Variants in MICAL1 observed in about 807,000 individuals in gnomAD.
MICAL1 encodes the protein [F-actin]-monooxygenase MICAL1.
Under a neutral mutation model 131.8 loss-of-function variants are expected in MICAL1, and 95 were observed. The ratio of observed to expected loss-of-function variants is 0.72; its 90% CI spans 0.61 to 0.86. MICAL1 has a LOEUF of 0.86. Ranked by LOEUF, MICAL1 falls within the 40% of genes least tolerant of loss-of-function variation. The probability of loss-of-function intolerance (pLI) is 0.00; values close to 1 mark genes in which losing one functional copy is unlikely to be tolerated. For synonymous variants in MICAL1, 546 were observed against 554.2 expected, an observed-to-expected ratio of 0.99 and a Z score of 0.21; for missense variants, 1,292 against 1,380.6, an observed-to-expected ratio of 0.94 and a Z score of 1.02.
At chr6:109,448,150 CACACACA>C in intron 13 of MICAL1, 46 bp downstream of exon 13, 1 of 1,583,262 alleles carries the variant, frequency 6.3e-7, no homozygotes, top group Non-Finnish European at 8.6e-7. Flanking sequence ...CACACACACA[CACACACA>C]CACCTCCCCA....
intron 7 of MICAL1, among the ~76,000 whole-genome samples, chr6:109,450,827 AAG>A (rs1775509180): frequency 6.6e-6 from 1 of 152,134 alleles, no homozygotes; most frequent in Non-Finnish European, 1.5e-5. Flanking sequence ...CCACAAACTC[AAG>A]AGCTTTAGTT....
In MICAL1 at chr6:109,445,524, CAGGGCCTAT is replaced by C. The variant is rs754825367; in HGVS notation, c.2674-4_2678del. 6.2e-6 allele frequency: 10 copies of C among 1,613,984 alleles called. No homozygotes were observed. On this transcript the variant is annotated splice_acceptor_variant and splice_polypyrimidine_tract_variant and coding_sequence_variant and intron_variant, in exon 21 of 25. Coordinates refer to ENST00000358807, the MANE Select transcript of MICAL1 (RefSeq NM_022765.4). LOFTEE classifies it high-confidence loss of function. ...TGCCTGAGGTCTTGGCAAAGGTCTG[CAGGGCCTAT>C]AGGAGGGTCAGGCCAGTCAGGGATA...
intron 1 of MICAL1, chr6:109,454,993 G>C (rs1336564666): frequency 6.6e-6 from 1 of 152,254 alleles, no homozygotes; most frequent in Non-Finnish European, 1.5e-5. Context: ...GCTGGGGGTC[G>C]ACCGCAGCCG....
chr6:109,450,027 G>A lies in MICAL1; in HGVS notation c.1250C>T (p.Ala417Val), dbSNP rs895646073. The change falls in exon 9 of 25, where the codon GCC becomes GTC. Residue 417 changes from alanine (A) to valine (V), a missense_variant. Coordinates refer to ENST00000358807, the MANE Select transcript of MICAL1 (RefSeq NM_022765.4). Reference protein sequence around the residue: ...ARGFLAAFDAAWMVKRWAEGA... With the variant: ...ARGFLAAFDAVWMVKRWAEGA... ...CTCTGCCCACCGCTTCACCATCCAGGCTGCATCAAAGGCTGCCAGGAAGCC... is the reference window on the plus strand; with the variant it reads ...CTCTGCCCACCGCTTCACCATCCAGACTGCATCAAAGGCTGCCAGGAAGCC... 1.2e-6 allele frequency: 2 copies of A among 1,614,096 alleles called. No homozygotes were observed. Among genetic ancestry groups the A allele is most frequent in the Admixed American group, 3.3e-5 (2 of 60,016 alleles).
At chr6:109,449,907 C>T in intron 9 of MICAL1, 63 bp downstream of exon 9, 1 of 1,597,472 alleles carries the variant, frequency 6.3e-7, no homozygotes, top group Non-Finnish European at 8.6e-7. Context: ...GCACCCCTGC[C>T]CCTCTTCCTG....
upstream of MICAL1, among the ~76,000 whole-genome samples, chr6:109,459,166 A>C (rs1025369860): frequency 6.6e-6 from 1 of 152,210 alleles, no homozygotes; most frequent in Non-Finnish European, 1.5e-5. Flanking sequence ...AGGCCAATGG[A>C]AACTCTGTAG....
chr6:109,449,523 C>T, intron 10 of MICAL1, 42 bp from the exon 11 acceptor site: 1 of 1,612,800 alleles, frequency 6.2e-7, no homozygotes, highest in Non-Finnish European at 8.5e-7. Context: ...GCTGGCCACA[C>T]AGCCCCTGAG....
chr6:109,452,407 G>A lies in MICAL1; in HGVS notation c.677-6C>T, dbSNP rs1481725757. The A allele has an allele frequency of 6.2e-7, 1 of 1,613,598 alleles. No homozygotes were observed. The highest frequency in any genetic ancestry group is 8.5e-7 in the Non-Finnish European group (1 of 1,179,584). On this transcript the variant is annotated splice_region_variant and splice_polypyrimidine_tract_variant and intron_variant, in intron 5 of 24. Coordinates refer to ENST00000358807, the MANE Select transcript of MICAL1 (RefSeq NM_022765.4). ...CATTTCTCGAACTTTGAAGCCTAGA[G>A]GTGGCGGTAGGTGAACAATGGCAGG... is the stretch of plus-strand genomic sequence containing the variant.
At chr6:109,452,144 AGT>A in intron 6 of MICAL1, 100 bp downstream of exon 6, 2 of 1,496,318 alleles carry the variant, frequency 1.3e-6, no homozygotes, top group South Asian at 2.7e-5. Flanking sequence ...AAAACAGAAA[AGT>A]GTGGAGTTCC....
At chr6:109,457,360 C>T (rs560678982), upstream of MICAL1, among the ~76,000 whole-genome samples, 1 of 151,992 alleles carries the variant, frequency 6.6e-6, no homozygotes, top group East Asian at 2.0e-4. Flanking sequence ...TAAAAACGTT[C>T]TAAAGTCCAC....
Position 109,446,398 on chromosome 6 carries a change from T to C in MICAL1, c.2319A>G (p.Pro773=). ...RGPESPELPT[P]SENSMPPGLS... Reference sequence around the variant, plus strand: ...GGCCTGGTGGCATGCTATTCTCACTTGGTGTGGGGAGCTCCTGGAAAAGCC... The same window carrying C: ...GGCCTGGTGGCATGCTATTCTCACTCGGTGTGGGGAGCTCCTGGAAAAGCC... The change falls in exon 19 of 25, where the codon CCA becomes CCG. Residue 773 remains proline, a synonymous_variant. Transcript: ENST00000358807. 3 of 1,338,024 alleles carry C rather than the reference T, an allele frequency of 2.2e-6. No individual in the cohort carries two copies. The highest frequency in any genetic ancestry group is 3.0e-6 in the Non-Finnish European group (3 of 1,007,742). 82.9% of individuals were successfully genotyped at this position (1,338,024 alleles called of 1,614,324 possible).
At position 109,453,673 on chromosome 6, in the gene MICAL1, T is replaced by A. The variant is rs374180244; in HGVS notation, c.431A>T (p.Tyr144Phe). 6.2e-7 allele frequency: 1 copy of A among 1,613,366 alleles called. No individual in the cohort carries two copies. Among genetic ancestry groups the A allele is most frequent in the Non-Finnish European group, 8.5e-7 (1 of 1,179,728 alleles). The change falls in exon 3 of 25, where the codon TAC (tyrosine) becomes TTC (phenylalanine). Residue 144 changes from tyrosine to phenylalanine, a missense_variant. Transcript: ENST00000358807. The part of the protein sequence containing the change: ...DLRALGAKKF[Y>F]GRFCTGTLDH... ...CAGGGTGCCGGTGCAGAAGCGCCCG[T>A]AGAACTTCTTAGCACCGAGTGCCCG...
In MICAL1 at chr6:109,447,320, C is replaced by T. The variant is rs13204281; in HGVS notation, c.2070+37G>A. The T allele has an allele frequency of 2.3e-3, 3,783 of 1,613,896 alleles. 8 individuals are homozygous for T. Among genetic ancestry groups the T allele is most frequent in the Non-Finnish European group, 3.0e-3 (3,487 of 1,179,820 alleles). On this transcript the variant is annotated intron_variant, in intron 16 of 24. Transcript: ENST00000358807. Reference sequence around the variant, plus strand: ...CATGAAACGCCCCTGCCCTGCCCTCCCCGGGCCTCTGCCTGCACACAAAGC... The same window carrying T: ...CATGAAACGCCCCTGCCCTGCCCTCTCCGGGCCTCTGCCTGCACACAAAGC...
At chr6:109,463,833 GCTT>G (rs1775967156) in intron 1 of MICAL1, 1 of 152,248 alleles carries the variant, frequency 6.6e-6, no homozygotes, top group Non-Finnish European at 1.5e-5. Flanking sequence ...ATTTTCACCT[GCTT>G]CTTTTTATGT....
rs1296230196 is a variant in MICAL1, at chr6:109,454,219, C to T, written c.-23G>A. 6.3e-7 allele frequency: 1 copy of T among 1,577,764 alleles called. No individual in the cohort carries two copies. Among genetic ancestry groups the T allele is most frequent in the South Asian group, 1.1e-5 (1 of 87,970 alleles). ...CATGGAGGCCTCCTGGGGAGGGCAG[C>T]AGCTGGGCAGAGATGAGTGGCTGGA... On this transcript the variant is annotated 5_prime_UTR_variant, in exon 2 of 25. Coordinates refer to ENST00000358807, the MANE Select transcript of MICAL1 (RefSeq NM_022765.4).
chr6:109,448,684 C>T (rs1196641007), intron 12 of MICAL1, 48 bp downstream of exon 12: 1 of 1,609,352 alleles, frequency 6.2e-7, no homozygotes, highest in Admixed American at 1.7e-5. Context: ...GATATGCTAA[C>T]TCCTACACTG....
intron 1 of MICAL1, 105 bp from the exon 2 acceptor site, chr6:109,454,344 A>G: frequency 8.9e-7 from 1 of 1,128,112 alleles, no homozygotes; most frequent in Non-Finnish European, 1.2e-6. Context: ...CTCGGGATTC[A>G]CCAGTGATTG....
Position 109,451,616 on chromosome 6 carries a change from A to C in MICAL1, c.917T>G (p.Leu306Arg), listed in dbSNP as rs1562291976. 1 of 1,613,970 alleles carries C rather than the reference A, an allele frequency of 6.2e-7. No homozygotes were observed. Among genetic ancestry groups the C allele is most frequent in the Non-Finnish European group, 8.5e-7 (1 of 1,179,958 alleles). Residue 306 changes from leucine to arginine, a missense_variant, in exon 7 of 25, where the codon CTG becomes CGG. Leu to Arg is a moderately radical substitution (Grantham distance 102). Coordinates refer to ENST00000358807, the MANE Select transcript of MICAL1 (RefSeq NM_022765.4). ...GGGCCTCACCTGGCGCAGCACCCCC[A>C]GCCGCAGCAGGCACTGCTTCTTGGC... The part of the protein sequence containing the change: ...MTAKKQCLLR[L>R]GVLRQDWPDT...
Position 109,450,385 on chromosome 6 carries a change from A to G in MICAL1, c.1106T>C (p.Met369Thr). The part of the protein sequence containing the change: ...PDVSAFDFTS[M>T]MRAESSARVQ... ...ACGAGCAGAACTCTCTGCCCGCATC[A>G]TGCTCGTGAAGTCAAAGGCAGAGAC... The change falls in exon 8 of 25, where the codon ATG becomes ACG. Residue 369 changes from methionine to threonine, a missense_variant. Transcript: ENST00000358807. The G allele has an allele frequency of 6.2e-7, 1 of 1,613,398 alleles. No homozygotes were observed. Among genetic ancestry groups the G allele is most frequent in the South Asian group, 1.1e-5 (1 of 91,084 alleles).
Sources: allele counts gnomAD v4.1 joint callset (sites outside exome capture counted in the v4.1 genomes callset), GRCh38; gene constraint gnomAD v4.1.1; transcripts MANE v1.5; gene names NCBI Gene and HGNC (gene_info 2026-07-23, HGNC 2026-07-21).